The following AOAH variants were observed in gnomAD, a reference collection of about 807,000 sequenced individuals.
AOAH encodes acyloxyacyl hydrolase, also known as acyloxyacyl hydrolase (neutrophil).
In AOAH, 64 loss-of-function variants were observed where a neutral mutation model predicts 92.2. The observed-to-expected ratio is 0.69, with a 90% confidence interval of 0.57 to 0.86. The LOEUF (loss-of-function observed/expected upper bound fraction) is 0.86, where lower values mean the gene tolerates loss of function less well. Among genes scored for constraint, AOAH ranks in the 40% least tolerant of loss-of-function variants. AOAH has a pLI of 0.00. For synonymous variants in AOAH, 263 were observed against 254.5 expected, an observed-to-expected ratio of 1.03 and a Z score of -0.32; for missense variants, 656 against 694.6, an observed-to-expected ratio of 0.94 and a Z score of 0.62.
chr7:36,703,879 C>T (rs965549028), intron 1 of AOAH, among the ~76,000 whole-genome samples: 4 of 152,162 alleles, frequency 2.6e-5, no homozygotes, highest in Admixed American at 6.6e-5. Flanking sequence ...CTTGAGGAAT[C>T]GCCACACTGT....
chr7:36,568,028 G>A (rs1405555436), intron 13 of AOAH, among the ~76,000 whole-genome samples: 1 of 152,206 alleles, frequency 6.6e-6, no homozygotes, highest in Non-Finnish European at 1.5e-5. Flanking sequence ...CATTGCACGT[G>A]TACACATGAG....
chr7:36,632,877 A>G (rs889213226), intron 5 of AOAH, among the ~76,000 whole-genome samples: 9 of 152,242 alleles, frequency 5.9e-5, no homozygotes, highest in Admixed American at 3.9e-4. Context: ...GTTTCAGAAT[A>G]TAAATGAGGT....
At chr7:36,698,481 T>C (rs1161590466) in intron 1 of AOAH, among the ~76,000 whole-genome samples, 4 of 152,148 alleles carry the variant, frequency 2.6e-5, no homozygotes, top group Non-Finnish European at 1.5e-5. Flanking sequence ...ATTTTGGCTT[T>C]GGATTCTTCA....
At chr7:36,544,594 AG>A (rs1404313642) in intron 15 of AOAH, among the ~76,000 whole-genome samples, 2 of 152,200 alleles carry the variant, frequency 1.3e-5, no homozygotes, top group Non-Finnish European at 2.9e-5. Flanking sequence ...CCTGTGGCAC[AG>A]GGGCCACACT....
In AOAH at chr7:36,513,332, G is replaced by A. The variant is rs747121157; in HGVS notation, c.1648C>T (p.Gln550Ter). The A allele has an allele frequency of 3.1e-6, 5 of 1,614,050 alleles. No individual in the cohort carries two copies. The highest frequency in any genetic ancestry group is 4.2e-6 in the Non-Finnish European group (5 of 1,180,040). Reference sequence around the variant, plus strand: ...TCCTTTCCCAGGATTTGGGGCCACTGGAGCTGCACCTTTTTCCAGAAATGA... The same window carrying A: ...TCCTTTCCCAGGATTTGGGGCCACTAGAGCTGCACCTTTTTCCAGAAATGA... Reference protein sequence around the residue: ...ADHFWKKVQLQWPQILGKENP... With the variant: ...ADHFWKKVQL The change falls in exon 21 of 21, where the codon CAG (glutamine) becomes TAG (stop). Residue 550 changes from glutamine (Q) to a stop codon, truncating the protein, a stop_gained. Coordinates refer to ENST00000617537, the MANE Select transcript of AOAH (RefSeq NM_001637.4). LOFTEE classifies it high-confidence loss of function.
chr7:36,632,399 G>A (rs567257535), intron 5 of AOAH, among the ~76,000 whole-genome samples: 220 of 152,186 alleles, frequency 1.4e-3, no homozygotes, highest in African/African-American at 5.0e-3. Context: ...AGGAGGGTCC[G>A]GCAACAGCAT....
chr7:36,714,219 A>G (rs1156371437), intron 1 of AOAH, among the ~76,000 whole-genome samples: 1 of 152,248 alleles, frequency 6.6e-6, no homozygotes, highest in Non-Finnish European at 1.5e-5. Context: ...ATAAACTAGA[A>G]AAGCTAGAAG....
rs866204642 is a variant in AOAH, at chr7:36,541,616, G to C, written c.1134-1125C>G. 9.2e-5 allele frequency among the ~76,000 whole-genome samples: 14 copies of C among 152,240 alleles called. 1 individual carries two copies. The highest frequency in any genetic ancestry group is 2.9e-4 in the African/African-American group (12 of 41,472). ...GTGCTATGCTCACCACCTGGGTGAT[G>C]AGGTAATTTGTACTCCAAACCTCAG... On this transcript the variant is annotated intron_variant, in intron 15 of 20. Transcript: ENST00000617537.
At chr7:36,649,113 G>A (rs757867840) in intron 4 of AOAH, among the ~76,000 whole-genome samples, 7 of 152,124 alleles carry the variant, frequency 4.6e-5, no homozygotes, top group Non-Finnish European at 8.8e-5. Flanking sequence ...TAATGTGTAC[G>A]TATACAATAG....
chr7:36,711,127 C>A (rs1584172667), intron 1 of AOAH, among the ~76,000 whole-genome samples: 1 of 152,204 alleles, frequency 6.6e-6, no homozygotes, highest in South Asian at 2.1e-4. Flanking sequence ...CAGAAAATTA[C>A]TGAGAAGGAA....
At chr7:36,622,045 G>A (rs1792321365) in intron 7 of AOAH, among the ~76,000 whole-genome samples, 1 of 152,122 alleles carries the variant, frequency 6.6e-6, no homozygotes, top group South Asian at 2.1e-4. Context: ...GTGTGTGTGT[G>A]ACATTAAGTG....
intron 11 of AOAH, among the ~76,000 whole-genome samples, chr7:36,604,255 A>C (rs140714921): frequency 6.6e-6 from 1 of 152,328 alleles, no homozygotes; most frequent in East Asian, 1.9e-4. Flanking sequence ...GCAAGTATTA[A>C]ATAAGATAAT....
In AOAH at chr7:36,637,922, A is replaced by AAGTT. The variant is rs776180411; in HGVS notation, c.391-16_391-13dup. The AAGTT allele has an allele frequency of 3.1e-6, 5 of 1,602,830 alleles. No individual in the cohort carries two copies. The South Asian group carries it at 4.4e-5, about 14-fold the overall frequency. On this transcript the variant is annotated splice_polypyrimidine_tract_variant and intron_variant, in intron 4 of 20. Transcript: ENST00000617537. Reference sequence around the variant, plus strand: ...AATTTCCATGTCTCCTATAAAAACAAAGTTAGAGAACATTACAACTCATGT... The same window carrying AAGTT: ...AATTTCCATGTCTCCTATAAAAACAAAGTTAGTTAGAGAACATTACAACTCATGT...
intron 1 of AOAH, among the ~76,000 whole-genome samples, chr7:36,710,232 G>C (rs1048279323): frequency 6.6e-6 from 1 of 152,158 alleles, no homozygotes; most frequent in Non-Finnish European, 1.5e-5. Context: ...ACTCCAATCA[G>C]TTTATTTTGG....
At chr7:36,555,196 G>A (rs374330956) in intron 13 of AOAH, among the ~76,000 whole-genome samples, 2 of 150,972 alleles carry the variant, frequency 1.3e-5, no homozygotes, top group Non-Finnish European at 3.0e-5. Flanking sequence ...TAGCATGAAG[G>A]GTTGTTGAAT....
chr7:36,696,641 C>G (rs12536380), intron 1 of AOAH, among the ~76,000 whole-genome samples: 1,559 of 151,860 alleles, frequency 0.01, 22 homozygotes, highest in African/African-American at 0.036. Flanking sequence ...GCGGGTGGAT[C>G]ATGAGGTCAG....
At chr7:36,577,683 GTT>G (rs1298085134) in intron 12 of AOAH, among the ~76,000 whole-genome samples, 3 of 152,148 alleles carry the variant, frequency 2.0e-5, no homozygotes, top group Admixed American at 6.5e-5. Flanking sequence ...GATGTAAGTA[GTT>G]TAATTAATGC....
At chr7:36,606,788 G>C (rs1406412797) in intron 11 of AOAH, among the ~76,000 whole-genome samples, 3 of 151,914 alleles carry the variant, frequency 2.0e-5, no homozygotes, top group Non-Finnish European at 4.4e-5. Flanking sequence ...CAGCATGAAA[G>C]TGTTTTTGGA....
intron 13 of AOAH, chr7:36,549,976 G>A (rs1386169061): frequency 1.3e-5 from 2 of 155,110 alleles, no homozygotes; most frequent in African/African-American, 4.8e-5. Flanking sequence ...GGTTCAGATT[G>A]TAGAGTTGAT....
Sources: gnomAD v4.1 joint callset for allele counts (sites outside exome capture counted in the v4.1 genomes callset) on GRCh38, gnomAD v4.1.1 for gene constraint, MANE v1.5 for transcripts, NCBI Gene and HGNC (gene_info 2026-07-23, HGNC 2026-07-21) for gene names.